Variants in PPP6R3 observed in about 807,000 individuals in gnomAD.
PPP6R3 encodes serine/threonine-protein phosphatase 6 regulatory subunit 3.
A neutral mutation model predicts 110.7 loss-of-function variants in PPP6R3; 38 were observed. The ratio of observed to expected loss-of-function variants is 0.34; its 90% CI spans 0.26 to 0.45. The LOEUF is 0.45. PPP6R3 is among the 20% of genes least tolerant of loss of function. PPP6R3 has a pLI of 1.00. For synonymous variants in PPP6R3, 369 were observed against 373.5 expected, an observed-to-expected ratio of 0.99 and a Z score of 0.14; for missense variants, 870 against 1,062.4, an observed-to-expected ratio of 0.82 and a Z score of 2.52.
At chr11:68,528,982 C>T (rs2099219157) in intron 2 of PPP6R3, among the ~76,000 whole-genome samples, 1 of 152,212 alleles carries the variant, frequency 6.6e-6, no homozygotes, top group African/African-American at 2.4e-5. Flanking sequence ...TGCTTATAAA[C>T]TCGGCCAGAG....
intron 15 of PPP6R3, among the ~76,000 whole-genome samples, chr11:68,584,259 C>G (rs1006436021): frequency 1.3e-5 from 2 of 152,144 alleles, no homozygotes; most frequent in African/African-American, 2.4e-5. Flanking sequence ...CTGCACGGGC[C>G]GTGGCGGTGG....
At chr11:68,556,208 A>G (rs911777842) in intron 7 of PPP6R3, among the ~76,000 whole-genome samples, 5 of 152,184 alleles carry the variant, frequency 3.3e-5, no homozygotes, top group Non-Finnish European at 7.3e-5. Context: ...TGAACATCAC[A>G]TGCATAAATG....
At position 68,583,878 on chromosome 11, in the gene PPP6R3, C is replaced by T. The variant is rs914234941; in HGVS notation, c.1632+749C>T. On this transcript the variant is annotated intron_variant, in intron 15 of 23. Coordinates refer to ENST00000393800, the MANE Select transcript of PPP6R3 (RefSeq NM_001164161.2). Reference sequence around the variant, plus strand: ...TGCTTTGGTGCAGCAATAGAATTAACGGGGACACCTTCCCACCCAGCACAG... The same window carrying T: ...TGCTTTGGTGCAGCAATAGAATTAATGGGGACACCTTCCCACCCAGCACAG... Among the ~76,000 whole-genome samples the T allele has an allele frequency of 7.9e-5, 12 of 152,166 alleles. No individual in the cohort carries two copies. The South Asian group carries it at 8.3e-4, about 10-fold the overall frequency.
At chr11:68,472,080 T>A (rs1421224445) in intron 1 of PPP6R3, among the ~76,000 whole-genome samples, 1 of 152,138 alleles carries the variant, frequency 6.6e-6, no homozygotes, top group Non-Finnish European at 1.5e-5. Flanking sequence ...AGTCCTGAGT[T>A]GCAGTGAAGA....
Position 68,574,206 on chromosome 11 carries a change from G to C in PPP6R3, c.1441G>C (p.Val481Leu). The change falls in exon 13 of 24, where the codon GTG (valine) becomes CTG (leucine). Residue 481 changes from valine (V) to leucine (L), a missense_variant. Physicochemically the swap from Val to Leu is conservative, Grantham distance 32 (BLOSUM62 1). Transcript: ENST00000393800. ...TGACAAGGGCCCCAACAGTGCATTA[G>C]TGCAGCAGCTTATCAAAGGTAAGTT... ...STDKGPNSAL[V>L]QQLIKDLPDE... The C allele has an allele frequency of 6.2e-7, 1 of 1,613,392 alleles. No individual in the cohort carries two copies. The highest frequency in any genetic ancestry group is 8.5e-7 in the Non-Finnish European group (1 of 1,179,424).
At chr11:68,609,643 A>G in intron 22 of PPP6R3, 7 of 1,553,690 alleles carry the variant, frequency 4.5e-6, no homozygotes, top group Non-Finnish European at 6.1e-6. Context: ...GTACAGTGTT[A>G]TGGGACCGTT....
chr11:68,549,318 T>G (rs1285454907), intron 5 of PPP6R3, among the ~76,000 whole-genome samples: 1 of 152,180 alleles, frequency 6.6e-6, no homozygotes, highest in Non-Finnish European at 1.5e-5. Flanking sequence ...AGAATGCTAA[T>G]TGTTATTTAA....
chr11:68,535,002 A>T (rs1011735297), intron 2 of PPP6R3, among the ~76,000 whole-genome samples: 1 of 152,200 alleles, frequency 6.6e-6, no homozygotes, highest in African/African-American at 2.4e-5. Context: ...ATGGCATAAT[A>T]AAGTTACTTT....
Position 68,556,331 on chromosome 11 carries a change from A to G in PPP6R3, c.731+2074A>G, listed in dbSNP as rs534947081. ...AGCGGACTGAAGTGTTAAATAAAGA[A>G]TGTTTGGCTTGGGAAGCAATCTGGG... is the stretch of plus-strand genomic sequence containing the variant. On this transcript the variant is annotated intron_variant, in intron 7 of 23. Coordinates refer to ENST00000393800, the MANE Select transcript of PPP6R3 (RefSeq NM_001164161.2). Among the ~76,000 whole-genome samples, 27 of 152,330 alleles carry G rather than the reference A, an allele frequency of 1.8e-4. No homozygotes were observed. In the South Asian group the frequency reaches 5.0e-3, roughly 28 times the overall value.
rs185970708 is a variant in PPP6R3 at position 68,606,377 on chromosome 11, A to G, written c.2450+2885A>G. 1.7e-4 allele frequency among the ~76,000 whole-genome samples: 24 copies of G among 137,712 alleles called. No homozygotes were observed. The East Asian group carries it at 2.5e-3, about 14-fold the overall frequency. The allele number at this position is 137,712 out of a possible 152,430, so 90.3% of individuals were successfully genotyped here. The stretch of plus-strand genomic sequence containing the variant: ...GTGATGTGGATCTCGGCTCACTGCA[A>G]TCTCTGTCTCCTGGGCTTAAGCCAT... On this transcript the variant is annotated intron_variant, in intron 22 of 23. Coordinates refer to ENST00000393800, the MANE Select transcript of PPP6R3 (RefSeq NM_001164161.2).
chr11:68,595,034 A>AT (rs1172011381), intron 18 of PPP6R3, among the ~76,000 whole-genome samples: 2 of 152,270 alleles, frequency 1.3e-5, no homozygotes, highest in East Asian at 3.9e-4. Flanking sequence ...AAGTGAACTG[A>AT]TTCGTACCTC....
intron 1 of PPP6R3, among the ~76,000 whole-genome samples, chr11:68,464,081 T>G (rs2098728053): frequency 6.6e-6 from 1 of 152,206 alleles, no homozygotes; most frequent in Non-Finnish European, 1.5e-5. Flanking sequence ...TAATTAGAAA[T>G]TTTTTAAGAC....
intron 2 of PPP6R3, among the ~76,000 whole-genome samples, chr11:68,521,302 T>C (rs1024334758): frequency 6.6e-6 from 1 of 152,228 alleles, no homozygotes; most frequent in Non-Finnish European, 1.5e-5. Context: ...TCTTTAGTAC[T>C]TTTCACAAAA....
chr11:68,551,050 A>AG, intron 5 of PPP6R3, 71 bp from the exon 6 acceptor site: 1 of 1,040,254 alleles, frequency 9.6e-7, no homozygotes, highest in Non-Finnish European at 1.5e-6. Flanking sequence ...ATTTCCAAGT[A>AG]TGTTAATCTA....
At chr11:68,599,040 G>T (rs550573783) in intron 19 of PPP6R3, among the ~76,000 whole-genome samples, 4 of 152,300 alleles carry the variant, frequency 2.6e-5, no homozygotes, top group African/African-American at 9.6e-5. Context: ...CAGATATCTT[G>T]GGGAAAGTCA....
At chr11:68,472,962 GATATACC>G in intron 1 of PPP6R3, among the ~76,000 whole-genome samples, 1 of 152,220 alleles carries the variant, frequency 6.6e-6, no homozygotes, top group South Asian at 2.1e-4. Flanking sequence ...CAATTGTATG[GATATACC>G]ACATTTTATT....
At chr11:68,466,063 C>G (rs1238645552) in intron 1 of PPP6R3, among the ~76,000 whole-genome samples, 1 of 152,256 alleles carries the variant, frequency 6.6e-6, no homozygotes, top group South Asian at 2.1e-4. Flanking sequence ...CAGACCCGTC[C>G]GAAGCTTGCT....
intron 9 of PPP6R3, among the ~76,000 whole-genome samples, chr11:68,566,535 A>T (rs2099471490): frequency 6.6e-6 from 1 of 151,708 alleles, no homozygotes; most frequent in Admixed American, 6.6e-5. Flanking sequence ...TAATTTTTGT[A>T]TTTTTTGTAG....
intron 22 of PPP6R3, among the ~76,000 whole-genome samples, chr11:68,605,460 T>C (rs1421025301): frequency 6.6e-6 from 1 of 152,180 alleles, no homozygotes; most frequent in African/African-American, 2.4e-5. Flanking sequence ...GACTAGTAAA[T>C]AGTGATTATC....
Sources: allele counts gnomAD v4.1 joint callset (sites outside exome capture counted in the v4.1 genomes callset), GRCh38; gene constraint gnomAD v4.1.1; transcripts MANE v1.5; gene names NCBI Gene and HGNC (gene_info 2026-07-23, HGNC 2026-07-21).